Variants in DYNLT5 observed in about 807,000 individuals in gnomAD.
DYNLT5 encodes the protein dynein light chain Tctex-type 5.
In DYNLT5, 25 loss-of-function variants were observed where a neutral mutation model predicts 19.3. The ratio of observed to expected loss-of-function variants is 1.30; its 90% confidence interval spans 0.95 to 1.81. The LOEUF is 1.81. DYNLT5 is among the 40% of genes most tolerant of loss of function. DYNLT5 has a pLI of 0.00. For missense variants in DYNLT5, 232 were observed against 217.9 expected (o/e 1.06, Z -0.41); for synonymous variants, 82 against 68.9 (o/e 1.19, Z -0.94).
chr1:66,772,559 GTAAA>G (rs1343303640), intron 3 of DYNLT5, among the ~76,000 whole-genome samples: 1 of 152,182 alleles, frequency 6.6e-6, no homozygotes, highest in East Asian at 1.9e-4. Context: ...TGGGACTTTG[GTAAA>G]TAGTTTATCA....
chr1:66,755,187 T>C (rs1242724500), intron 2 of DYNLT5, among the ~76,000 whole-genome samples: 1 of 152,226 alleles, frequency 6.6e-6, no homozygotes, highest in Non-Finnish European at 1.5e-5. Context: ...GTTTTTTCCA[T>C]ATCCTCTTAA....
chr1:66,756,134 A>C (rs1453684156), intron 2 of DYNLT5, among the ~76,000 whole-genome samples: 23 of 152,224 alleles, frequency 1.5e-4, no homozygotes, highest in Admixed American at 1.2e-3. Context: ...TAAAAATAAG[A>C]ATACAAAAAT....
intron 3 of DYNLT5, among the ~76,000 whole-genome samples, chr1:66,774,780 C>T (rs541865921): frequency 1.3e-5 from 2 of 151,954 alleles, no homozygotes; most frequent in East Asian, 3.9e-4. Flanking sequence ...GAGGGGTGGG[C>T]TGACAACCTT....
chr1:66,769,880 A>T (rs1439769161), intron 2 of DYNLT5, among the ~76,000 whole-genome samples: 2 of 152,066 alleles, frequency 1.3e-5, no homozygotes, highest in Non-Finnish European at 2.9e-5. Context: ...TGAGTTTCTC[A>T]TTTTTCTTTT....
chr1:66,756,481 A>G (rs2094636215), intron 2 of DYNLT5, among the ~76,000 whole-genome samples: 1 of 152,270 alleles, frequency 6.6e-6, no homozygotes, highest in Non-Finnish European at 1.5e-5. Flanking sequence ...CATTGTTTTG[A>G]AATTGCAGTG....
intron 4 of DYNLT5, 78 bp downstream of exon 4, chr1:66,776,481 A>G: frequency 6.7e-7 from 1 of 1,484,126 alleles, no homozygotes; most frequent in Non-Finnish European, 9.0e-7. Flanking sequence ...TACTTTTTTG[A>G]TGAGGGGAAT....
At chr1:66,775,860 C>T (rs1381869179) in intron 3 of DYNLT5, among the ~76,000 whole-genome samples, 3 of 152,092 alleles carry the variant, frequency 2.0e-5, no homozygotes, top group African/African-American at 7.2e-5. Context: ...ACTGTGGTAG[C>T]GGGAGAAGGG....
At position 66,760,253 on chromosome 1, in the gene DYNLT5, T is replaced by G. The variant is rs138921204; in HGVS notation, c.119+5476T>G. Reference sequence around the variant, plus strand: ...TATTCTCTGTCTTGCCTTACTAAAGTAACAGTTCCATGAGAGCAGAGACCA... The same window carrying G: ...TATTCTCTGTCTTGCCTTACTAAAGGAACAGTTCCATGAGAGCAGAGACCA... On this transcript the variant is annotated intron_variant, in intron 2 of 4. Transcript: ENST00000282670. Among the ~76,000 whole-genome samples, 917 of 152,344 alleles carry G rather than the reference T, an allele frequency of 6.0e-3. 11 individuals are homozygous for G. The highest frequency in any genetic ancestry group is 0.021 in the African/African-American group (878 of 41,578).
At chr1:66,775,703 T>C (rs1572552918) in intron 3 of DYNLT5, 1 of 152,150 alleles carries the variant, frequency 6.6e-6, no homozygotes, top group African/African-American at 2.4e-5. Context: ...ACATTTGAGA[T>C]GGTCTTGAAA....
chr1:66,774,817 C>T (rs991739622), intron 3 of DYNLT5, among the ~76,000 whole-genome samples: 13 of 152,208 alleles, frequency 8.5e-5, no homozygotes, highest in Admixed American at 8.5e-4. Context: ...GGGTGCTGCA[C>T]TATCCCTTGT....
chr1:66,757,457 A>G (rs2094638262), intron 2 of DYNLT5, among the ~76,000 whole-genome samples: 1 of 152,218 alleles, frequency 6.6e-6, no homozygotes, highest in African/African-American at 2.4e-5. Context: ...AAAAAACAGA[A>G]ACATCTTAAG....
At chr1:66,767,646 C>A (rs1362974805) in intron 2 of DYNLT5, among the ~76,000 whole-genome samples, 3 of 152,150 alleles carry the variant, frequency 2.0e-5, no homozygotes, top group African/African-American at 7.2e-5. Context: ...AGATCTACTG[C>A]TGCATATAAT....
At chr1:66,772,599 G>A (rs563480980) in intron 3 of DYNLT5, among the ~76,000 whole-genome samples, 88 of 152,302 alleles carry the variant, frequency 5.8e-4, no homozygotes, top group African/African-American at 2.0e-3. Context: ...ATACTGGCCA[G>A]AAAAGTAGAG....
intron 2 of DYNLT5, among the ~76,000 whole-genome samples, chr1:66,764,924 T>C (rs2094651990): frequency 6.6e-6 from 1 of 152,192 alleles, no homozygotes; most frequent in African/African-American, 2.4e-5. Flanking sequence ...ATAACACTCA[T>C]AAAAATATCC....
intron 2 of DYNLT5, among the ~76,000 whole-genome samples, chr1:66,767,513 C>T (rs944533826): frequency 6.6e-6 from 1 of 152,178 alleles, no homozygotes; most frequent in Non-Finnish European, 1.5e-5. Context: ...CCACTTCGGC[C>T]TCCCAAAGTG....
intron 3 of DYNLT5, 62 bp from the exon 4 acceptor site, chr1:66,776,217 A>AT: frequency 6.3e-7 from 1 of 1,575,726 alleles, no homozygotes; most frequent in Non-Finnish European, 8.6e-7. Flanking sequence ...TGATTAGCCT[A>AT]TGGGGTGGGT....
At chr1:66,772,658 T>C (rs1419543165) in intron 3 of DYNLT5, among the ~76,000 whole-genome samples, 1 of 152,242 alleles carries the variant, frequency 6.6e-6, no homozygotes, top group African/African-American at 2.4e-5. Context: ...TAATTTTTCA[T>C]TCCATTCAAT....
chr1:66,767,276 A>G (rs181578941), intron 2 of DYNLT5, among the ~76,000 whole-genome samples: 2 of 151,912 alleles, frequency 1.3e-5, no homozygotes, highest in Non-Finnish European at 2.9e-5. Flanking sequence ...GTTTTTTGAG[A>G]CAGAGTCTTG....
intron 2 of DYNLT5, among the ~76,000 whole-genome samples, chr1:66,760,343 C>T (rs1003378738): frequency 6.6e-6 from 1 of 152,022 alleles, no homozygotes; most frequent in African/African-American, 2.4e-5. Flanking sequence ...TAGTGCCTGG[C>T]ATATAATAGT....
Sources: gnomAD v4.1 joint callset for allele counts (sites outside exome capture counted in the v4.1 genomes callset) on GRCh38, gnomAD v4.1.1 for gene constraint, MANE v1.5 for transcripts, NCBI Gene and HGNC (gene_info 2026-07-23, HGNC 2026-07-21) for gene names.